The following TENM3 variants were observed in gnomAD, a reference collection of about 807,000 sequenced individuals.
TENM3 encodes teneurin transmembrane protein 3, also known as teneurin-3.
In TENM3, 63 loss-of-function variants were observed where a neutral mutation model predicts 255.1. The ratio of observed to expected loss-of-function variants is 0.25; its 90% CI spans 0.20 to 0.30. The LOEUF (loss-of-function observed/expected upper bound fraction) is 0.30, where lower values mean the gene tolerates loss of function less well. Ranked by LOEUF, TENM3 falls within the 10% of genes least tolerant of loss-of-function variation. The probability of loss-of-function intolerance (pLI) is 1.00; values close to 1 mark genes in which losing one functional copy is unlikely to be tolerated. For missense variants in TENM3, 2,929 were observed against 3,461.1 expected (o/e 0.85, Z 3.86); for synonymous variants, 1,306 against 1,322.3 (o/e 0.99, Z 0.27).
the TENM3 span, among the ~76,000 whole-genome samples, chr4:181,499,290 G>T: frequency 4.5e-4 from 68 of 152,172 alleles, no homozygotes; most frequent in South Asian, 5.8e-3. Flanking sequence ...TCACATTTTT[G>T]ATTTCAATTT....
intron 22 of TENM3, among the ~76,000 whole-genome samples, chr4:182,763,178 T>C (rs1454276847): frequency 2.0e-5 from 3 of 152,196 alleles, no homozygotes; most frequent in African/African-American, 4.8e-5. Context: ...GAAAAACTTA[T>C]AGTGTATTTT....
intron 24 of TENM3, among the ~76,000 whole-genome samples, chr4:182,783,903 C>A (rs993938628): frequency 1.3e-5 from 2 of 152,010 alleles, no homozygotes; most frequent in African/African-American, 4.8e-5. Flanking sequence ...GTTTTCAGCT[C>A]CATCAGCTCC....
At chr4:181,574,489 C>T in the TENM3 span, among the ~76,000 whole-genome samples, 4 of 151,470 alleles carry the variant, frequency 2.6e-5, 1 homozygote, top group African/African-American at 4.9e-5. Flanking sequence ...CGAGATCGTG[C>T]CACTGCAGTC....
At chr4:181,737,603 T>G in the TENM3 span, among the ~76,000 whole-genome samples, 165 of 152,254 alleles carry the variant, frequency 1.1e-3, no homozygotes, top group African/African-American at 3.9e-3. Context: ...TAAAAATAAC[T>G]GCATTCAGTG....
At chr4:181,980,524 T>G in the TENM3 span, 2 of 152,230 alleles carry the variant, frequency 1.3e-5, no homozygotes, top group Non-Finnish European at 2.9e-5. Flanking sequence ...CTAATACATG[T>G]ACCACAATCA....
At chr4:181,530,968 T>C in the TENM3 span, among the ~76,000 whole-genome samples, 1 of 152,214 alleles carries the variant, frequency 6.6e-6, no homozygotes, top group Non-Finnish European at 1.5e-5. Flanking sequence ...TCCTTTTTTT[T>C]AATGTCAGCC....
At chr4:182,719,878 T>C (rs1432874685) in intron 13 of TENM3, among the ~76,000 whole-genome samples, 2 of 152,018 alleles carry the variant, frequency 1.3e-5, no homozygotes, top group Non-Finnish European at 2.9e-5. Flanking sequence ...CTGGCCAGCG[T>C]AGCAAGGCCC....
the TENM3 span, among the ~76,000 whole-genome samples, chr4:181,998,174 T>C: frequency 6.6e-6 from 1 of 152,186 alleles, no homozygotes; most frequent in Non-Finnish European, 1.5e-5. Context: ...TTTATGACCC[T>C]TTTTAAAATC....
At chr4:181,472,821 C>T in the TENM3 span, among the ~76,000 whole-genome samples, 1 of 152,116 alleles carries the variant, frequency 6.6e-6, no homozygotes, top group African/African-American at 2.4e-5. Context: ...TTATGTCCAT[C>T]CTAGGAAGTT....
intron 6 of TENM3, among the ~76,000 whole-genome samples, chr4:182,662,047 T>G (rs1277997266): frequency 6.6e-6 from 1 of 152,228 alleles, no homozygotes; most frequent in Non-Finnish European, 1.5e-5. Context: ...ATCTTCTGTT[T>G]TGTCCTTACA....
chr4:181,991,115 G>A, the TENM3 span, among the ~76,000 whole-genome samples: 43 of 151,916 alleles, frequency 2.8e-4, no homozygotes, highest in African/African-American at 1.0e-3. Context: ...TTCATAAACA[G>A]GAAACAATTT....
chr4:181,481,924 C>T, the TENM3 span, among the ~76,000 whole-genome samples: 4,163 of 152,140 alleles, frequency 0.027, 330 homozygotes, highest in East Asian at 0.23. Flanking sequence ...AACAATGTGG[C>T]TAAGTCATTG....
chr4:181,768,394 A>G, the TENM3 span, among the ~76,000 whole-genome samples: 10 of 151,962 alleles, frequency 6.6e-5, no homozygotes, highest in East Asian at 7.7e-4. Context: ...AGGCTGAAAA[A>G]CTCTGCTTTA....
At chr4:182,373,952 C>A (rs1767011674) in intron 3 of TENM3, among the ~76,000 whole-genome samples, 1 of 152,114 alleles carries the variant, frequency 6.6e-6, no homozygotes, top group African/African-American at 2.4e-5. Flanking sequence ...CTTATTTATT[C>A]ACTCAACAAA....
chr4:182,241,141 G>C (rs868221008), upstream of TENM3, among the ~76,000 whole-genome samples: 4 of 152,110 alleles, frequency 2.6e-5, no homozygotes, highest in African/African-American at 9.7e-5. Context: ...TTGCAGAGTT[G>C]GGATTTTCAT....
chr4:181,948,324 T>C, the TENM3 span, among the ~76,000 whole-genome samples: 1 of 152,224 alleles, frequency 6.6e-6, no homozygotes, highest in Non-Finnish European at 1.5e-5. Context: ...AAAACGAATT[T>C]AATTTCTTGT....
chr4:182,519,863 T>C (rs1043344480), intron 3 of TENM3, among the ~76,000 whole-genome samples: 2 of 152,204 alleles, frequency 1.3e-5, no homozygotes, highest in African/African-American at 4.8e-5. Context: ...TGACTACTTA[T>C]GTTTATACAG....
At chr4:182,542,250 G>A (rs1733628009) in intron 3 of TENM3, among the ~76,000 whole-genome samples, 3 of 152,080 alleles carry the variant, frequency 2.0e-5, no homozygotes, top group Admixed American at 1.3e-4. Context: ...TTGGCTCTGA[G>A]GTCATGTTCA....
At chr4:182,236,708 A>T (rs971589849) in intron 1 of TENM3, among the ~76,000 whole-genome samples, 1 of 152,248 alleles carries the variant, frequency 6.6e-6, no homozygotes, top group Non-Finnish European at 1.5e-5. Flanking sequence ...GGTTCAGAAG[A>T]GTGTGAATCT....
Sources: gnomAD v4.1 joint callset for allele counts (sites outside exome capture counted in the v4.1 genomes callset) on GRCh38, gnomAD v4.1.1 for gene constraint, MANE v1.5 for transcripts, NCBI Gene and HGNC (gene_info 2026-07-23, HGNC 2026-07-21) for gene names.